MTUS1: variants seen among roughly 807,000 people sequenced by gnomAD.
The protein encoded by MTUS1 is microtubule-associated tumor suppressor 1.
In MTUS1, 109 loss-of-function variants were observed where a neutral mutation model predicts 120.8. The observed-to-expected ratio is 0.90, with a 90% CI of 0.77 to 1.06. The LOEUF (loss-of-function observed/expected upper bound fraction) is 1.06. MTUS1 is among the 50% of genes least tolerant of loss of function. The pLI is 0.00. For synonymous variants in MTUS1, 737 were observed against 550.5 expected (o/e 1.34, Z -4.74); for missense variants, 2,210 against 1,486.3 (o/e 1.49, Z -8.01).
chr8:17,700,340 G>A (rs377086383), intron 6 of MTUS1, among the ~76,000 whole-genome samples: 1 of 151,826 alleles, frequency 6.6e-6, no homozygotes, highest in Non-Finnish European at 1.5e-5. Flanking sequence ...CATGGTGACA[G>A]GGGCCTGTAA....
chr8:17,710,138 C>G (rs1277251891), intron 6 of MTUS1, among the ~76,000 whole-genome samples: 2 of 152,116 alleles, frequency 1.3e-5, no homozygotes, highest in African/African-American at 2.4e-5. Flanking sequence ...TGCTGACTGA[C>G]TGATTAGGGT....
chr8:17,671,570 A>G (rs1411327874), intron 8 of MTUS1, among the ~76,000 whole-genome samples: 1 of 152,200 alleles, frequency 6.6e-6, no homozygotes, highest in East Asian at 1.9e-4. Context: ...TGCTTTGGAC[A>G]CTGCCACAGT....
intron 8 of MTUS1, among the ~76,000 whole-genome samples, chr8:17,667,819 A>AT (rs1811216287): frequency 6.6e-6 from 1 of 152,104 alleles, no homozygotes; most frequent in South Asian, 2.1e-4. Flanking sequence ...GCCACAATTT[A>AT]TTTTTTATAA....
At chr8:17,711,960 T>A (rs1038826923) in intron 6 of MTUS1, among the ~76,000 whole-genome samples, 1 of 152,198 alleles carries the variant, frequency 6.6e-6, no homozygotes, top group East Asian at 1.9e-4. Flanking sequence ...ATCAGCTGTG[T>A]TCACTGTCTT....
At chr8:17,720,775 T>A (rs923482873) in intron 4 of MTUS1, among the ~76,000 whole-genome samples, 4 of 152,230 alleles carry the variant, frequency 2.6e-5, no homozygotes, top group African/African-American at 4.8e-5. Flanking sequence ...GGATATTAGG[T>A]ATCTGAGTGT....
intron 1 of MTUS1, among the ~76,000 whole-genome samples, chr8:17,758,690 T>C (rs1194234825): frequency 6.6e-6 from 1 of 152,202 alleles, no homozygotes; most frequent in Admixed American, 6.5e-5. Context: ...TAACAGACTG[T>C]GGCATAAGCA....
intron 8 of MTUS1, chr8:17,674,669 G>C: frequency 4.1e-6 from 4 of 987,216 alleles, no homozygotes; most frequent in Non-Finnish European, 4.8e-6. Context: ...GTGGAGCGGG[G>C]AGGTGGTGAA....
intron 2 of MTUS1, among the ~76,000 whole-genome samples, chr8:17,747,092 G>C (rs143090002): frequency 3.2e-4 from 48 of 152,228 alleles, no homozygotes; most frequent in African/African-American, 1.0e-3. Flanking sequence ...AACTCGAATA[G>C]GGTTAGACAC....
chr8:17,721,627 A>T (rs756388694), intron 4 of MTUS1: 13 of 1,427,932 alleles, frequency 9.1e-6, no homozygotes, highest in Non-Finnish European at 1.2e-5. Flanking sequence ...TTACAAAAAC[A>T]GAAGTCAAGA....
chr8:17,662,780 A>G (rs1252844874), intron 8 of MTUS1, among the ~76,000 whole-genome samples: 1 of 151,922 alleles, frequency 6.6e-6, no homozygotes, highest in African/African-American at 2.4e-5. Context: ...GTAAACCATG[A>G]AAGCTATCTC....
chr8:17,676,567 A>T, intron 7 of MTUS1: 2 of 559,476 alleles, frequency 3.6e-6, no homozygotes, highest in Non-Finnish European at 6.3e-6. Flanking sequence ...GATTACTTAA[A>T]GCCACAGCCT....
At chr8:17,799,012 G>A (rs940033679) in intron 1 of MTUS1, among the ~76,000 whole-genome samples, 22 of 93,222 alleles carry the variant, frequency 2.4e-4, no homozygotes, top group African/African-American at 7.6e-4. Context: ...ATAAACCTGG[G>A]AAGAATTTTT....
intron 1 of MTUS1, among the ~76,000 whole-genome samples, chr8:17,787,112 C>G (rs1289732070): frequency 1.3e-5 from 2 of 152,168 alleles, no homozygotes; most frequent in African/African-American, 4.8e-5. Flanking sequence ...TTGGCAAATC[C>G]AAGGACTGCC....
intron 8 of MTUS1, chr8:17,674,511 G>C (rs957921774): frequency 3.0e-6 from 3 of 985,254 alleles, no homozygotes; most frequent in Non-Finnish European, 3.6e-6. Flanking sequence ...GCTTCCAGGA[G>C]AGAATGGAAC....
intron 2 of MTUS1, among the ~76,000 whole-genome samples, chr8:17,745,183 G>C (rs1352404806): frequency 6.6e-6 from 1 of 152,138 alleles, no homozygotes; most frequent in African/African-American, 2.4e-5. Context: ...TACGTGAAAG[G>C]AACAATTTCT....
chr8:17,751,334 T>C (rs2131319008), intron 2 of MTUS1, among the ~76,000 whole-genome samples: 1 of 152,230 alleles, frequency 6.6e-6, no homozygotes, highest in South Asian at 2.1e-4. Flanking sequence ...CAGCATGGTC[T>C]CTTCGTCAAT....
chr8:17,718,543 T>G (rs1384643853), intron 4 of MTUS1, among the ~76,000 whole-genome samples: 1 of 152,100 alleles, frequency 6.6e-6, no homozygotes, highest in Non-Finnish European at 1.5e-5. Context: ...CCACTGAGGC[T>G]GGATGCATCC....
At chr8:17,664,435 G>A (rs752796824) in intron 8 of MTUS1, among the ~76,000 whole-genome samples, 1 of 151,770 alleles carries the variant, frequency 6.6e-6, no homozygotes, top group African/African-American at 2.4e-5. Flanking sequence ...CCAGCCTGCT[G>A]TGGGTGGCGA....
At chr8:17,742,989 T>A (rs77704055) in intron 3 of MTUS1, among the ~76,000 whole-genome samples, 165 of 152,060 alleles carry the variant, frequency 1.1e-3, no homozygotes, top group African/African-American at 3.8e-3. Flanking sequence ...GACACAGGGA[T>A]GACTTTTCCA....
Sources: gnomAD v4.1 joint callset for allele counts (sites outside exome capture counted in the v4.1 genomes callset) on GRCh38, gnomAD v4.1.1 for gene constraint, MANE v1.5 for transcripts, NCBI Gene and HGNC (gene_info 2026-07-23, HGNC 2026-07-21) for gene names.